Variants in GRM5 observed in about 807,000 individuals in gnomAD.
GRM5 encodes the protein glutamate metabotropic receptor 5, also known as metabotropic glutamate receptor 5.
In GRM5, 19 loss-of-function variants were observed where a neutral mutation model predicts 83.1. The ratio of observed to expected loss-of-function variants is 0.23; its 90% CI spans 0.16 to 0.34. GRM5 has a LOEUF of 0.34. Ranked by LOEUF, GRM5 falls within the 10% of genes least tolerant of loss-of-function variation. GRM5 has a pLI of 1.00. For synonymous variants in GRM5, 675 were observed against 633.6 expected (o/e 1.07, Z -0.98); for missense variants, 1,160 against 1,588.3 (o/e 0.73, Z 4.58).
intron 2 of GRM5, among the ~76,000 whole-genome samples, chr11:88,882,248 G>GTAAATAAA (rs141706389): frequency 0.032 from 4,539 of 143,946 alleles, 191 homozygotes; most frequent in African/African-American, 0.097. Context: ...AAATAAGTAA[G>GTAAATAAA]TAAATAAATA....
In GRM5 at chr11:88,508,947, G is replaced by A. The variant is rs199547338; in HGVS notation, c.3284C>T (p.Ser1095Leu). 32 of 1,595,954 alleles carry A rather than the reference G, an allele frequency of 2.0e-5. No individual in the cohort carries two copies. The highest frequency in any genetic ancestry group is 1.7e-4 in the Middle Eastern group (1 of 6,036). ...PSPGVGAPLCSSYLIPKEIQL... is the reference protein window; with the variant it reads ...PSPGVGAPLCLSYLIPKEIQL... The stretch of plus-strand genomic sequence containing the variant: ...GATCTCTTTGGGGATCAGGTAGGAC[G>A]AGCAGAGCGGGGCGCCGACGCCGGG... Residue 1095 changes from serine (S) to leucine (L), a missense_variant, in exon 10 of 10, where the codon TCG (serine) becomes TTG (leucine). Coordinates refer to ENST00000305447, the MANE Select transcript of GRM5 (RefSeq NM_001143831.3). This position sits in a 1 kb window ranked among gnomAD's most constrained non-coding sequence, Gnocchi z 4.2.
intron 9 of GRM5, chr11:88,511,971 T>C (rs1189256515): frequency 6.6e-6 from 1 of 152,240 alleles, no homozygotes; most frequent in Non-Finnish European, 1.5e-5. Context: ...CCACCAACTT[T>C]TACCTTAGGG....
chr11:88,577,942 A>G (rs1259634845), intron 7 of GRM5, among the ~76,000 whole-genome samples: 2 of 152,106 alleles, frequency 1.3e-5, no homozygotes, highest in Admixed American at 6.5e-5. Context: ...TGTGAGGACC[A>G]TATAAAATAA....
intron 9 of GRM5, among the ~76,000 whole-genome samples, chr11:88,512,647 C>T (rs1233581744): frequency 6.6e-6 from 1 of 152,100 alleles, no homozygotes; most frequent in Non-Finnish European, 1.5e-5. Flanking sequence ...CTGGATCTGC[C>T]ATCCCAGATA....
chr11:88,666,694 G>A (rs1940053918), intron 3 of GRM5, among the ~76,000 whole-genome samples: 1 of 152,164 alleles, frequency 6.6e-6, no homozygotes, highest in Non-Finnish European at 1.5e-5. Context: ...AGACAAACTG[G>A]AAAGTGATAG....
chr11:88,518,676 C>A (rs1470096595), intron 9 of GRM5, among the ~76,000 whole-genome samples: 2 of 151,952 alleles, frequency 1.3e-5, no homozygotes, highest in African/African-American at 2.4e-5. Context: ...CTGCTTCCCT[C>A]CAATCCTGAC....
intron 8 of GRM5, among the ~76,000 whole-genome samples, chr11:88,548,216 T>C (rs1026076308): frequency 6.6e-6 from 1 of 152,202 alleles, no homozygotes; most frequent in Non-Finnish European, 1.5e-5. Flanking sequence ...TCATATTAAG[T>C]GTTATGTTCT....
At chr11:88,528,012 T>C (rs1941920925) in intron 8 of GRM5, among the ~76,000 whole-genome samples, 1 of 151,950 alleles carries the variant, frequency 6.6e-6, no homozygotes, top group African/African-American at 2.4e-5. Context: ...GATGAAATAA[T>C]CTGCATATTA....
At chr11:88,658,252 G>A (rs898078106) in intron 3 of GRM5, among the ~76,000 whole-genome samples, 2 of 152,150 alleles carry the variant, frequency 1.3e-5, no homozygotes, top group African/African-American at 2.4e-5. Flanking sequence ...AAACGTTGGG[G>A]ACCGCTGTTG....
At chr11:88,552,536 T>C (rs308787) in intron 8 of GRM5, among the ~76,000 whole-genome samples, 26,905 of 152,074 alleles carry the variant, frequency 0.18, 3,231 homozygotes, top group African/African-American at 0.35. Context: ...TCTTTGATTA[T>C]TGCTACACAA....
At chr11:88,543,102 G>A (rs1165971346) in intron 8 of GRM5, among the ~76,000 whole-genome samples, 1 of 152,026 alleles carries the variant, frequency 6.6e-6, no homozygotes, top group East Asian at 1.9e-4. Context: ...GTCCTAGAAT[G>A]AAAAAATAAA....
At chr11:88,749,035 C>G (rs1361631697) in intron 3 of GRM5, among the ~76,000 whole-genome samples, 4 of 152,190 alleles carry the variant, frequency 2.6e-5, no homozygotes, top group African/African-American at 7.2e-5. Context: ...CAAAGTACCT[C>G]TTCTCCTCTA....
At chr11:88,515,145 C>A (rs1941488783) in intron 9 of GRM5, among the ~76,000 whole-genome samples, 1 of 152,138 alleles carries the variant, frequency 6.6e-6, no homozygotes, top group African/African-American at 2.4e-5. Context: ...AGTACAGTCG[C>A]TACTTCCCCT....
rs1312194138 is a variant in GRM5, at chr11:88,767,306, C to A, written c.911+82600G>T. 2.0e-5 allele frequency among the ~76,000 whole-genome samples: 3 copies of A among 151,848 alleles called. No homozygotes were observed. The East Asian group carries it at 5.8e-4, about 29-fold the overall frequency. On this transcript the variant is annotated intron_variant, in intron 3 of 9. Coordinates refer to ENST00000305447, the MANE Select transcript of GRM5 (RefSeq NM_001143831.3). ...AACTAAAACAGAATTGCTATTTGAT[C>A]CAGAAATCGCATTATTAGGCATATC...
At chr11:88,613,289 C>T (rs1938378740) in intron 4 of GRM5, among the ~76,000 whole-genome samples, 1 of 152,158 alleles carries the variant, frequency 6.6e-6, no homozygotes. Flanking sequence ...CTGACATTGT[C>T]AGTCAGGTGT....
intron 3 of GRM5, among the ~76,000 whole-genome samples, chr11:88,674,601 T>C (rs568188283): frequency 2.8e-4 from 43 of 151,934 alleles, no homozygotes; most frequent in Non-Finnish European, 5.0e-4. Flanking sequence ...GTTCCTCTAA[T>C]TGTTCAAACA....
intron 3 of GRM5, among the ~76,000 whole-genome samples, chr11:88,813,868 CTTT>C (rs1427802929): frequency 1.3e-5 from 2 of 151,854 alleles, no homozygotes; most frequent in African/African-American, 2.4e-5. Context: ...GAAATATTAT[CTTT>C]TTATTTCATC....
intron 3 of GRM5, among the ~76,000 whole-genome samples, chr11:88,806,385 G>T (rs1943499360): frequency 6.6e-6 from 1 of 151,970 alleles, no homozygotes. Context: ...AAATCCTCTG[G>T]AAGAAATACA....
At chr11:89,043,031 G>A (rs1359299977) in intron 2 of GRM5, among the ~76,000 whole-genome samples, 1 of 152,166 alleles carries the variant, frequency 6.6e-6, no homozygotes, top group African/African-American at 2.4e-5. Flanking sequence ...ATGAAGTGTA[G>A]CGTGAACAGG....
Sources: allele counts gnomAD v4.1 joint callset (sites outside exome capture counted in the v4.1 genomes callset), GRCh38; gene constraint gnomAD v4.1.1; non-coding constraint Gnocchi (gnomAD v3.1); transcripts MANE v1.5; gene names NCBI Gene and HGNC (gene_info 2026-07-23, HGNC 2026-07-21).